The following WWOX variants were observed in gnomAD, a reference collection of about 807,000 sequenced individuals.
The protein encoded by WWOX is WW domain containing oxidoreductase.
A neutral mutation model predicts 46.2 loss-of-function variants in WWOX; 69 were observed. The ratio of observed to expected loss-of-function variants is 1.49; its 90% CI spans 1.23 to 1.82. WWOX has a LOEUF of 1.82. WWOX is among the 40% of genes most tolerant of loss of function. The pLI, the probability that WWOX is intolerant of heterozygous loss-of-function variation, is 0.00. For synonymous variants in WWOX, 359 were observed against 202.6 expected (o/e 1.77, Z -6.56); for missense variants, 919 against 542.6 (o/e 1.69, Z -6.89).
intron 8 of WWOX, chr16:78,899,400 CT>C (rs2044773089): frequency 6.6e-6 from 1 of 152,144 alleles, no homozygotes; most frequent in African/African-American, 2.4e-5. Flanking sequence ...TCCTAGAAAC[CT>C]GGCCTGTTTA....
intron 8 of WWOX, among the ~76,000 whole-genome samples, chr16:78,522,155 A>C (rs952974857): frequency 6.6e-5 from 10 of 151,850 alleles, no homozygotes; most frequent in Admixed American, 5.2e-4. Flanking sequence ...AAAAAAAAAA[A>C]AAAAAACTTC....
intron 8 of WWOX, among the ~76,000 whole-genome samples, chr16:78,978,691 A>G (rs1245635942): frequency 6.6e-6 from 1 of 152,186 alleles, no homozygotes; most frequent in Non-Finnish European, 1.5e-5. Flanking sequence ...TCGCCAGAGC[A>G]GGAGCAACAG....
At chr16:78,380,955 C>T (rs374856207) in intron 5 of WWOX, among the ~76,000 whole-genome samples, 2 of 152,144 alleles carry the variant, frequency 1.3e-5, no homozygotes, top group African/African-American at 4.8e-5. Context: ...TATATTCACT[C>T]TATCTAATCT....
intron 5 of WWOX, among the ~76,000 whole-genome samples, chr16:78,198,083 G>A (rs191569783): frequency 6.6e-6 from 1 of 152,192 alleles, no homozygotes; most frequent in African/African-American, 2.4e-5. Flanking sequence ...CCTGGTAGCG[G>A]TTGGTAAGCC....
chr16:78,385,893 G>C (rs569092983), intron 5 of WWOX, among the ~76,000 whole-genome samples: 1 of 152,130 alleles, frequency 6.6e-6, no homozygotes, highest in South Asian at 2.1e-4. Context: ...ATTTAATCTC[G>C]CACTCCGAAG....
chr16:79,031,887 T>TATATATATA (rs1567501163), intron 8 of WWOX, among the ~76,000 whole-genome samples: 44 of 51,864 alleles, frequency 8.5e-4, no homozygotes, highest in African/African-American at 1.8e-3. Flanking sequence ...TACAGATATC[T>TATATATATA]GTATACAGAT....
chr16:78,487,596 G>A (rs1172371844), intron 8 of WWOX, among the ~76,000 whole-genome samples: 1 of 152,144 alleles, frequency 6.6e-6, no homozygotes, highest in Non-Finnish European at 1.5e-5. Context: ...ATATTGGAAG[G>A]TGGGTCATTT....
chr16:78,934,141 C>T (rs993722870), intron 8 of WWOX, among the ~76,000 whole-genome samples: 1 of 151,766 alleles, frequency 6.6e-6, no homozygotes, highest in Non-Finnish European at 1.5e-5. Context: ...GGAGACCATC[C>T]TGGCTAACGT....
chr16:79,162,367 C>T (rs780785551), intron 8 of WWOX, among the ~76,000 whole-genome samples: 40 of 152,118 alleles, frequency 2.6e-4, no homozygotes, highest in Non-Finnish European at 5.1e-4. Flanking sequence ...ACCAGAGTTA[C>T]GTGCACAGGT....
intron 8 of WWOX, among the ~76,000 whole-genome samples, chr16:79,036,422 C>G (rs1010211538): frequency 1.3e-5 from 2 of 152,220 alleles, no homozygotes; most frequent in Non-Finnish European, 2.9e-5. Context: ...GCCCGTTGAC[C>G]TCCATATAAG....
At chr16:78,664,021 C>G (rs1418407321) in intron 8 of WWOX, among the ~76,000 whole-genome samples, 1 of 152,166 alleles carries the variant, frequency 6.6e-6, no homozygotes, top group African/African-American at 2.4e-5. Flanking sequence ...AGGTGGTAAG[C>G]AAACAGGTGA....
intron 8 of WWOX, among the ~76,000 whole-genome samples, chr16:78,690,288 T>A (rs1162345512): frequency 4.6e-5 from 7 of 152,166 alleles, no homozygotes; most frequent in Admixed American, 1.3e-4. Context: ...TGGTGGCTCA[T>A]GCCTGTAACC....
intron 8 of WWOX, among the ~76,000 whole-genome samples, chr16:78,446,480 T>C (rs987463057): frequency 6.6e-6 from 1 of 152,096 alleles, no homozygotes; most frequent in Non-Finnish European, 1.5e-5. Flanking sequence ...AGCATTTCTG[T>C]CACATCCCAG....
chr16:78,518,051 A>G (rs2043275693), intron 8 of WWOX, among the ~76,000 whole-genome samples: 1 of 151,806 alleles, frequency 6.6e-6, no homozygotes, highest in African/African-American at 2.4e-5. Flanking sequence ...CTTGGTAATT[A>G]GATGCTTGGA....
chr16:78,436,748 A>T (rs2083343349), intron 8 of WWOX, among the ~76,000 whole-genome samples: 1 of 151,746 alleles, frequency 6.6e-6, no homozygotes, highest in South Asian at 2.1e-4. Flanking sequence ...GTGAATGTAG[A>T]CCTCGGGTTG....
rs369937669 is a variant in WWOX, at chr16:78,161,558, G to A, written c.410-2625G>A. On this transcript the variant is annotated intron_variant, in intron 4 of 8. Transcript: ENST00000566780. Reference sequence around the variant, plus strand: ...AACTCTTGGACTCAGGCAATCCCTCGACATCAGCCTTCTGAGTAGCTGGGA... The same window carrying A: ...AACTCTTGGACTCAGGCAATCCCTCAACATCAGCCTTCTGAGTAGCTGGGA... 1.1e-3 allele frequency among the ~76,000 whole-genome samples: 171 copies of A among 151,986 alleles called. 4 individuals are homozygous for A. The South Asian group carries it at 0.032, about 29-fold the overall frequency.
intron 8 of WWOX, among the ~76,000 whole-genome samples, chr16:79,082,990 C>G (rs966764832): frequency 6.6e-6 from 1 of 152,084 alleles, no homozygotes; most frequent in Admixed American, 6.5e-5. Context: ...GAGTGGTTCC[C>G]AAAATGCCTA....
chr16:78,616,193 C>T (rs1038564043), intron 8 of WWOX, among the ~76,000 whole-genome samples: 16 of 151,634 alleles, frequency 1.1e-4, no homozygotes, highest in Non-Finnish European at 1.8e-4. Flanking sequence ...TTCCCACGGC[C>T]ACACAAGCAC....
intron 5 of WWOX, among the ~76,000 whole-genome samples, chr16:78,370,288 A>G (rs554613738): frequency 6.6e-5 from 10 of 152,266 alleles, no homozygotes; most frequent in Admixed American, 6.5e-4. Flanking sequence ...GGATGATATT[A>G]CCACTTACCT....
Sources: gnomAD v4.1 joint callset for allele counts (sites outside exome capture counted in the v4.1 genomes callset) on GRCh38, gnomAD v4.1.1 for gene constraint, MANE v1.5 for transcripts, NCBI Gene and HGNC (gene_info 2026-07-23, HGNC 2026-07-21) for gene names.